Variants in BRINP3 observed in about 807,000 individuals in gnomAD.
The protein encoded by BRINP3 is BMP/retinoic acid-inducible neural-specific protein 3.
A neutral mutation model predicts 71.0 loss-of-function variants in BRINP3; 19 were observed. The ratio of observed to expected loss-of-function variants is 0.27; its 90% CI spans 0.19 to 0.39. The LOEUF (loss-of-function observed/expected upper bound fraction) is 0.39. BRINP3 is among the 10% of genes least tolerant of loss of function. The pLI, the probability that BRINP3 is intolerant of heterozygous loss-of-function variation, is 1.00. For missense variants in BRINP3, 959 were observed against 940.8 expected (o/e 1.02, Z -0.25); for synonymous variants, 380 against 337.7 (o/e 1.13, Z -1.37).
At position 190,098,273 on chromosome 1, in the gene BRINP3, G is replaced by C. The variant is rs1651371807; in HGVS notation, c.2046C>G (p.Asp682Glu). ...AGGGGTAGTCCAGCTGCAAAATCAG[G>C]TCCCGAATTGCTTCAGGGTCAAAGT... is the stretch of plus-strand genomic sequence containing the variant. ...SMHFDPEAIRDLILQLDYPYT... is the reference protein window; with the variant it reads ...SMHFDPEAIRELILQLDYPYT... Residue 682 changes from aspartate to glutamate, a missense_variant, in exon 8 of 8, where the codon GAC becomes GAG. Physicochemically the swap from Asp to Glu is conservative, Grantham distance 45 (BLOSUM62 2). Coordinates refer to ENST00000367462, the MANE Select transcript of BRINP3 (RefSeq NM_199051.3). The C allele has an allele frequency of 6.2e-7, 1 of 1,613,994 alleles. No homozygotes were observed. The highest frequency in any genetic ancestry group is 1.1e-5 in the South Asian group (1 of 91,090).
intron 7 of BRINP3, among the ~76,000 whole-genome samples, chr1:190,121,848 G>A (rs550169818): frequency 2.6e-5 from 4 of 152,164 alleles, no homozygotes; most frequent in East Asian, 3.9e-4. Context: ...TAGAAAAAAA[G>A]CAAATTAGGA....
chr1:190,165,463 TGTGTGTGTG>T (rs1651439315), intron 6 of BRINP3, among the ~76,000 whole-genome samples: 4 of 85,254 alleles, frequency 4.7e-5, no homozygotes, highest in African/African-American at 9.5e-5. Flanking sequence ...TTTTTTTTTG[TGTGTGTGTG>T]TGTGTGTGTG....
At chr1:190,164,152 A>C (rs1651269668) in intron 6 of BRINP3, among the ~76,000 whole-genome samples, 1 of 152,080 alleles carries the variant, frequency 6.6e-6, no homozygotes, top group Non-Finnish European at 1.5e-5. Context: ...CTTACTAATA[A>C]ACGTAAAAAA....
At chr1:190,113,449 G>A (rs997751085) in intron 7 of BRINP3, among the ~76,000 whole-genome samples, 3 of 152,122 alleles carry the variant, frequency 2.0e-5, no homozygotes, top group Non-Finnish European at 4.4e-5. Context: ...CGAAAAGTCA[G>A]TCCATTTAAA....
intron 2 of BRINP3, among the ~76,000 whole-genome samples, chr1:190,345,882 T>G (rs934609017): frequency 6.6e-6 from 1 of 151,872 alleles, no homozygotes; most frequent in African/African-American, 2.4e-5. Flanking sequence ...TAAAATTGAT[T>G]CCAAATATAG....
At chr1:190,107,407 C>A (rs947354652) in intron 7 of BRINP3, among the ~76,000 whole-genome samples, 2 of 151,858 alleles carry the variant, frequency 1.3e-5, no homozygotes, top group African/African-American at 4.8e-5. Context: ...AATCGAATGT[C>A]CTTTTTCCTC....
chr1:190,330,532 G>C lies in BRINP3; in HGVS notation c.237-48782C>G, dbSNP rs139564512. On this transcript the variant is annotated intron_variant, in intron 2 of 7. Transcript: ENST00000367462. ...GAGGAATACTTACACACTGTTGGTA[G>C]GAATGTACATTAGTTTAGCCACTGT... Among the ~76,000 whole-genome samples, 829 of 152,152 alleles carry C rather than the reference G, an allele frequency of 5.4e-3. 5 individuals are homozygous for C. The highest frequency in any genetic ancestry group is 0.018 in the African/African-American group (759 of 41,536).
At chr1:190,131,540 C>T (rs1169609271) in intron 7 of BRINP3, among the ~76,000 whole-genome samples, 1 of 152,018 alleles carries the variant, frequency 6.6e-6, no homozygotes, top group African/African-American at 2.4e-5. Flanking sequence ...TGTATTTCCT[C>T]AATGTATCTT....
At chr1:190,108,552 C>T (rs1652392292) in intron 7 of BRINP3, among the ~76,000 whole-genome samples, 1 of 150,160 alleles carries the variant, frequency 6.7e-6, no homozygotes, top group Non-Finnish European at 1.5e-5. Flanking sequence ...ATTATGTTTA[C>T]AGAAAATAAA....
At chr1:190,324,715 C>T (rs981084113) in intron 2 of BRINP3, among the ~76,000 whole-genome samples, 1 of 151,580 alleles carries the variant, frequency 6.6e-6, no homozygotes, top group Admixed American at 6.6e-5. Context: ...TAATAGATAT[C>T]CATGTTTATA....
chr1:190,418,892 A>AT (rs1250910987), intron 2 of BRINP3, among the ~76,000 whole-genome samples: 6 of 152,248 alleles, frequency 3.9e-5, no homozygotes, highest in African/African-American at 1.4e-4. Flanking sequence ...TGTACGATGG[A>AT]TTTTTATTAA....
At chr1:190,470,336 A>G (rs1366117178) in intron 1 of BRINP3, among the ~76,000 whole-genome samples, 1 of 151,084 alleles carries the variant, frequency 6.6e-6, no homozygotes, top group Non-Finnish European at 1.5e-5. Flanking sequence ...CTTACATGGC[A>G]GAGAACTATA....
chr1:190,098,753 A>T lies in BRINP3; in HGVS notation c.1566T>A (p.Asn522Lys), dbSNP rs767037462. 1.9e-6 allele frequency: 3 copies of T among 1,614,178 alleles called. No homozygotes were observed. Among genetic ancestry groups the T allele is most frequent in the Non-Finnish European group, 2.5e-6 (3 of 1,180,032 alleles). ...TACGCCAGGAGGGATCAAACCAGCT[A>T]TTGAGGCGCATGTCATTGCTGATAA... ...AIFISNDMRL[N>K]SWFDPSWRKR... is the part of the protein sequence containing the mutation. Residue 522 changes from asparagine to lysine, a missense_variant, in exon 8 of 8, where the codon AAT becomes AAA. Asn to Lys is a moderately conservative substitution (Grantham distance 94). Coordinates refer to ENST00000367462, the MANE Select transcript of BRINP3 (RefSeq NM_199051.3).
chr1:190,298,032 T>C (rs953031237), intron 2 of BRINP3, among the ~76,000 whole-genome samples: 4 of 152,302 alleles, frequency 2.6e-5, no homozygotes, highest in African/African-American at 9.6e-5. Context: ...TCAATAATTA[T>C]AGGGCTAGTC....
chr1:190,352,253 T>A (rs1364272120), intron 2 of BRINP3, among the ~76,000 whole-genome samples: 4 of 152,020 alleles, frequency 2.6e-5, no homozygotes, highest in African/African-American at 4.8e-5. Context: ...AGACCAAAAA[T>A]ATAGTTAAAC....
At chr1:190,448,460 G>GGGGGGT (rs531555875) in intron 2 of BRINP3, among the ~76,000 whole-genome samples, 23 of 65,582 alleles carry the variant, frequency 3.5e-4, no homozygotes, top group African/African-American at 1.1e-3. Context: ...CTACACTTGG[G>GGGGGGT]GTTTGTGTGT....
At chr1:190,187,988 ATATT>A (rs145626807) in intron 6 of BRINP3, among the ~76,000 whole-genome samples, 116 of 152,140 alleles carry the variant, frequency 7.6e-4, no homozygotes, top group Non-Finnish European at 1.1e-3. Context: ...CATTTTAACA[ATATT>A]AAGTATTCCA....
intron 4 of BRINP3, among the ~76,000 whole-genome samples, chr1:190,240,966 T>A (rs2102768210): frequency 6.6e-6 from 1 of 151,606 alleles, no homozygotes; most frequent in South Asian, 2.1e-4. Context: ...CCTCAAAGTT[T>A]CCATTATGTT....
At chr1:190,313,316 G>A (rs572340878) in intron 2 of BRINP3, among the ~76,000 whole-genome samples, 4 of 151,734 alleles carry the variant, frequency 2.6e-5, no homozygotes, top group Admixed American at 6.6e-5. Flanking sequence ...CATGTTAATA[G>A]GAAACATGTA....
Sources: allele counts gnomAD v4.1 joint callset (sites outside exome capture counted in the v4.1 genomes callset), GRCh38; gene constraint gnomAD v4.1.1; transcripts MANE v1.5; gene names NCBI Gene and HGNC (gene_info 2026-07-23, HGNC 2026-07-21).